LRP1B: variants seen among roughly 807,000 people sequenced by gnomAD.
LRP1B encodes the protein LDL receptor related protein 1B.
In LRP1B, 217 loss-of-function variants were observed where a neutral mutation model predicts 556.6. The observed-to-expected ratio is 0.39, with a 90% confidence interval of 0.35 to 0.44. The LOEUF (loss-of-function observed/expected upper bound fraction) is 0.44, where lower values mean the gene tolerates loss of function less well. Among genes scored for constraint, LRP1B ranks in the 20% least tolerant of loss-of-function variants. The pLI is 1.00. For missense variants in LRP1B, 5,053 were observed against 5,620.8 expected, an observed-to-expected ratio of 0.90 and a Z score of 3.23; for synonymous variants, 2,047 against 1,865.8, an observed-to-expected ratio of 1.10 and a Z score of -2.50.
At chr2:141,891,261 A>G (rs1238525869) in intron 1 of LRP1B, among the ~76,000 whole-genome samples, 2 of 152,182 alleles carry the variant, frequency 1.3e-5, no homozygotes, top group Non-Finnish European at 2.9e-5. Context: ...TCAAAGATAA[A>G]TGAACTTCCC....
intron 87 of LRP1B, among the ~76,000 whole-genome samples, chr2:140,245,516 T>C (rs1163828718): frequency 6.6e-6 from 1 of 151,424 alleles, no homozygotes; most frequent in Non-Finnish European, 1.5e-5. Context: ...GAAACTACCA[T>C]TAAAAAGGCT....
intron 35 of LRP1B, among the ~76,000 whole-genome samples, chr2:140,756,496 A>T (rs1688744610): frequency 1.3e-5 from 2 of 152,116 alleles, no homozygotes; most frequent in Admixed American, 6.5e-5. Context: ...ATATAGATCA[A>T]TGAGATAGAA....
intron 84 of LRP1B, among the ~76,000 whole-genome samples, chr2:140,287,544 C>A (rs1406848120): frequency 6.6e-6 from 1 of 150,864 alleles, no homozygotes; most frequent in East Asian, 2.0e-4. Context: ...CTTCCAAGTT[C>A]TCAAAACTAA....
chr2:141,142,921 CTTTTTTT>C (rs35543111), intron 7 of LRP1B, among the ~76,000 whole-genome samples: 2 of 101,434 alleles, frequency 2.0e-5, no homozygotes, highest in African/African-American at 7.9e-5. Context: ...TGTCTGATTA[CTTTTTTT>C]TTTTTTTTTT....
intron 86 of LRP1B, among the ~76,000 whole-genome samples, chr2:140,249,282 A>G (rs1681304724): frequency 6.6e-6 from 1 of 151,732 alleles, no homozygotes; most frequent in South Asian, 2.1e-4. Flanking sequence ...AGATCTCCAG[A>G]TTAGCAGAAA....
chr2:140,683,661 C>CAGCA, intron 41 of LRP1B: 1 of 700,130 alleles, frequency 1.4e-6, no homozygotes, highest in Non-Finnish European at 2.7e-6. Context: ...TCCGCATTTA[C>CAGCA]AGCAAATCTT....
chr2:140,621,913 T>G (rs114381996), intron 41 of LRP1B, among the ~76,000 whole-genome samples: 6,259 of 152,278 alleles, frequency 0.041, 179 homozygotes, highest in Middle Eastern at 0.082. Context: ...AATCAATAAT[T>G]GAAGAAGTCA....
At chr2:140,928,038 G>GCCCA (rs1694939424) in intron 20 of LRP1B, among the ~76,000 whole-genome samples, 1 of 151,896 alleles carries the variant, frequency 6.6e-6, no homozygotes, top group South Asian at 2.1e-4. Context: ...GAGTCACTGT[G>GCCCA]CCCAGTCAGC....
chr2:141,496,899 T>G (rs963188795), intron 2 of LRP1B, among the ~76,000 whole-genome samples: 2 of 152,018 alleles, frequency 1.3e-5, no homozygotes, highest in African/African-American at 2.4e-5. Context: ...CTGTGGTTTG[T>G]TTTTAGAAAC....
chr2:140,843,116 T>TG (rs1280838209), intron 29 of LRP1B, among the ~76,000 whole-genome samples: 14 of 130,452 alleles, frequency 1.1e-4, no homozygotes, highest in African/African-American at 4.0e-4. Context: ...TTTTTGGTGG[T>TG]GGGGGGTGAG....
intron 2 of LRP1B, among the ~76,000 whole-genome samples, chr2:141,723,429 A>C (rs937700984): frequency 6.6e-6 from 1 of 151,448 alleles, no homozygotes; most frequent in Non-Finnish European, 1.5e-5. Context: ...GTACAGATGC[A>C]AATTTACTTA....
chr2:141,831,759 A>G (rs1474190687), intron 1 of LRP1B, among the ~76,000 whole-genome samples: 3 of 151,716 alleles, frequency 2.0e-5, no homozygotes, highest in Admixed American at 2.0e-4. Context: ...AGTATTATAT[A>G]CAAATTATTA....
intron 27 of LRP1B, among the ~76,000 whole-genome samples, chr2:140,857,885 T>C (rs1376536525): frequency 1.3e-5 from 2 of 152,146 alleles, no homozygotes; most frequent in Non-Finnish European, 2.9e-5. Context: ...AGAGATGACA[T>C]GTCTATCTGG....
At chr2:141,118,041 C>T (rs1283030043) in intron 7 of LRP1B, among the ~76,000 whole-genome samples, 1 of 151,790 alleles carries the variant, frequency 6.6e-6, no homozygotes, top group Non-Finnish European at 1.5e-5. Context: ...AAGGAAAAAG[C>T]CTGGTACATT....
At chr2:142,099,611 G>A (rs532992658) in intron 1 of LRP1B, among the ~76,000 whole-genome samples, 1 of 151,944 alleles carries the variant, frequency 6.6e-6, no homozygotes, top group Non-Finnish European at 1.5e-5. Flanking sequence ...CGAACTAATG[G>A]TCATTTAGAT....
intron 7 of LRP1B, among the ~76,000 whole-genome samples, chr2:141,078,664 T>G (rs951524432): frequency 3.9e-5 from 6 of 152,116 alleles, no homozygotes; most frequent in African/African-American, 1.4e-4. Flanking sequence ...AAGAAAGAAG[T>G]GTTCTCCTTC....
intron 5 of LRP1B, 24 bp downstream of exon 5, chr2:141,247,201 CA>C (rs763093344): frequency 1.9e-6 from 3 of 1,612,666 alleles, no homozygotes; most frequent in Middle Eastern, 1.7e-4. Flanking sequence ...TCTGGAAAGA[CA>C]AAAAATAAAT....
intron 7 of LRP1B, among the ~76,000 whole-genome samples, chr2:141,080,215 T>C (rs576112136): frequency 6.2e-4 from 95 of 152,324 alleles, no homozygotes; most frequent in African/African-American, 2.2e-3. Context: ...ATCCTAGGTT[T>C]ATCCCTCTCT....
chr2:141,544,884 TCA>T (rs1685497802), intron 2 of LRP1B, among the ~76,000 whole-genome samples: 1 of 152,046 alleles, frequency 6.6e-6, no homozygotes, highest in Admixed American at 6.6e-5. Context: ...TAGGCTGGTC[TCA>T]AACTCCTGGG....
Sources: gnomAD v4.1 joint callset for allele counts (sites outside exome capture counted in the v4.1 genomes callset) on GRCh38, gnomAD v4.1.1 for gene constraint, MANE v1.5 for transcripts, NCBI Gene and HGNC (gene_info 2026-07-23, HGNC 2026-07-21) for gene names.